The following INPP4B variants were observed in gnomAD, a reference collection of about 807,000 sequenced individuals.
The protein encoded by INPP4B is inositol polyphosphate-4-phosphatase type II B.
INPP4B carries 55 observed loss-of-function variants against 122.5 expected under a neutral mutation model. The ratio of observed to expected loss-of-function variants is 0.45; its 90% CI spans 0.36 to 0.56. The LOEUF (loss-of-function observed/expected upper bound fraction) is 0.56, where lower values mean the gene tolerates loss of function less well. INPP4B is among the 20% of genes least tolerant of loss of function. The probability of loss-of-function intolerance (pLI) is 0.00; values close to 1 mark genes in which losing one functional copy is unlikely to be tolerated. For missense variants in INPP4B, 1,000 were observed against 1,097.7 expected (o/e 0.91, Z 1.26); for synonymous variants, 403 against 388.7 (o/e 1.04, Z -0.43).
intron 17 of INPP4B, among the ~76,000 whole-genome samples, chr4:142,148,413 T>C (rs979262302): frequency 2.6e-5 from 4 of 152,064 alleles, no homozygotes; most frequent in Admixed American, 6.5e-5. Flanking sequence ...GGGGTTTTAC[T>C]ATGTTGCCCA....
chr4:142,070,264 A>G (rs992788062), intron 25 of INPP4B, among the ~76,000 whole-genome samples: 1 of 152,188 alleles, frequency 6.6e-6, no homozygotes, highest in African/African-American at 2.4e-5. Context: ...GAAGCATAAA[A>G]TGCCTTCGAC....
At chr4:142,562,840 A>G (rs1730767647) in intron 2 of INPP4B, among the ~76,000 whole-genome samples, 1 of 152,168 alleles carries the variant, frequency 6.6e-6, no homozygotes, top group Admixed American at 6.5e-5. Context: ...AATGTTAGAT[A>G]TTGCTATTTT....
intron 2 of INPP4B, among the ~76,000 whole-genome samples, chr4:142,508,209 T>A (rs187231276): frequency 5.0e-4 from 76 of 152,256 alleles, no homozygotes; most frequent in Non-Finnish European, 2.9e-5. Flanking sequence ...GCCTAATCAC[T>A]TTGACCAGCC....
intron 2 of INPP4B, among the ~76,000 whole-genome samples, chr4:142,695,565 T>G (rs1417235469): frequency 6.6e-6 from 1 of 152,302 alleles, no homozygotes; most frequent in East Asian, 1.9e-4. Flanking sequence ...ATCAGTTTAT[T>G]TTTAAAATAC....
chr4:142,257,074 C>T (rs1736584165), intron 11 of INPP4B, among the ~76,000 whole-genome samples: 1 of 152,062 alleles, frequency 6.6e-6, no homozygotes, highest in South Asian at 2.1e-4. Flanking sequence ...TAAATGTAAT[C>T]CAGCATATAA....
At chr4:142,647,871 G>C (rs561553498) in intron 2 of INPP4B, among the ~76,000 whole-genome samples, 6 of 152,220 alleles carry the variant, frequency 3.9e-5, no homozygotes, top group Non-Finnish European at 7.3e-5. Context: ...GCTAATGAAG[G>C]TTACTTTCTT....
At chr4:142,118,839 C>T (rs1184350778) in intron 21 of INPP4B, among the ~76,000 whole-genome samples, 1 of 152,054 alleles carries the variant, frequency 6.6e-6, no homozygotes. Flanking sequence ...AAAGAAACCA[C>T]CATCAGAGTG....
chr4:142,629,328 G>A (rs946189370), intron 2 of INPP4B, among the ~76,000 whole-genome samples: 3 of 152,096 alleles, frequency 2.0e-5, no homozygotes, highest in African/African-American at 7.2e-5. Context: ...AACTGTAAGA[G>A]AGTATATATG....
chr4:142,694,202 G>A (rs1306685510), intron 2 of INPP4B, among the ~76,000 whole-genome samples: 4 of 151,704 alleles, frequency 2.6e-5, no homozygotes, highest in Non-Finnish European at 5.9e-5. Context: ...GTGAAACCCC[G>A]TCTGTACTAA....
chr4:142,611,772 G>A (rs1342614966), intron 2 of INPP4B, among the ~76,000 whole-genome samples: 3 of 150,136 alleles, frequency 2.0e-5, no homozygotes, highest in East Asian at 2.0e-4. Context: ...AGGTTCAAGC[G>A]ATTCTCCTGC....
intron 7 of INPP4B, among the ~76,000 whole-genome samples, chr4:142,332,274 C>T (rs189909565): frequency 3.9e-5 from 6 of 152,130 alleles, no homozygotes; most frequent in African/African-American, 1.4e-4. Context: ...TATAATGAGA[C>T]CCTTTATTCT....
intron 12 of INPP4B, among the ~76,000 whole-genome samples, chr4:142,215,912 AAAAAAAAAAAAAAAAAAAAAAG>A (rs1847013880): frequency 1.0e-5 from 1 of 97,742 alleles, no homozygotes; most frequent in African/African-American, 3.7e-5. Context: ...AAAAAAAAAA[AAAAAAAAAAAAAAAAAAAAAAG>A]AAGGAATCTG....
intron 2 of INPP4B, among the ~76,000 whole-genome samples, chr4:142,594,613 C>T (rs564022843): frequency 1.8e-4 from 28 of 152,144 alleles, no homozygotes; most frequent in African/African-American, 6.5e-4. Flanking sequence ...TGATTAGCTA[C>T]ATGTATTATA....
chr4:142,164,860 A>C, intron 16 of INPP4B, among the ~76,000 whole-genome samples: 1 of 151,698 alleles, frequency 6.6e-6, no homozygotes, highest in East Asian at 1.9e-4. Context: ...AGCTTCCCAA[A>C]GTGCTAGGAT....
chr4:142,308,545 C>T (rs2627807), intron 8 of INPP4B, among the ~76,000 whole-genome samples: 57,556 of 151,846 alleles, frequency 0.38, 12,520 homozygotes, highest in East Asian at 0.61. Flanking sequence ...GATTCTCTCA[C>T]CCTCAAAGTT....
At chr4:142,423,421 T>C (rs1428235553) in intron 5 of INPP4B, among the ~76,000 whole-genome samples, 2 of 151,990 alleles carry the variant, frequency 1.3e-5, no homozygotes, top group Non-Finnish European at 1.5e-5. Flanking sequence ...ATCTTTTTTT[T>C]CCCCTAAATG....
At chr4:142,431,947 G>T (rs190734343) in intron 3 of INPP4B, among the ~76,000 whole-genome samples, 235 of 152,006 alleles carry the variant, frequency 1.5e-3, no homozygotes, top group Non-Finnish European at 2.1e-3. Context: ...ACTTGATAAA[G>T]GTGTAATTGT....
chr4:142,275,722 T>C (rs558792563), intron 9 of INPP4B, among the ~76,000 whole-genome samples: 1 of 151,818 alleles, frequency 6.6e-6, no homozygotes, highest in Non-Finnish European at 1.5e-5. Flanking sequence ...AAATTAATAG[T>C]AAAATAAAGC....
At chr4:142,173,066 G>A (rs1241219054) in intron 16 of INPP4B, among the ~76,000 whole-genome samples, 2 of 151,888 alleles carry the variant, frequency 1.3e-5, no homozygotes, top group East Asian at 1.9e-4. Flanking sequence ...AAAGGAACAA[G>A]TCACCTTTGG....
Sources: allele counts gnomAD v4.1 joint callset (sites outside exome capture counted in the v4.1 genomes callset), GRCh38; gene constraint gnomAD v4.1.1; transcripts MANE v1.5; gene names NCBI Gene and HGNC (gene_info 2026-07-23, HGNC 2026-07-21).